The following CNTNAP2 variants were observed in gnomAD, a reference collection of about 807,000 sequenced individuals.
The protein encoded by CNTNAP2 is contactin associated protein 2, also known as contactin-associated protein-like 2.
A neutral mutation model predicts 155.2 loss-of-function variants in CNTNAP2; 98 were observed. The ratio of observed to expected loss-of-function variants is 0.63; its 90% CI spans 0.54 to 0.75. The LOEUF (loss-of-function observed/expected upper bound fraction) is 0.75, where lower values mean the gene tolerates loss of function less well. CNTNAP2 is among the 30% of genes least tolerant of loss of function. CNTNAP2 has a pLI of 0.00. For synonymous variants in CNTNAP2, 651 were observed against 631.2 expected, an observed-to-expected ratio of 1.03 and a Z score of -0.47; for missense variants, 1,727 against 1,688.1, an observed-to-expected ratio of 1.02 and a Z score of -0.40.
At chr7:146,932,769 C>A (rs1453350484) in intron 3 of CNTNAP2, among the ~76,000 whole-genome samples, 1 of 152,078 alleles carries the variant, frequency 6.6e-6, no homozygotes, top group Non-Finnish European at 1.5e-5. Flanking sequence ...GCACAAAAAT[C>A]ACAAGCATTC....
intron 3 of CNTNAP2, among the ~76,000 whole-genome samples, chr7:146,908,469 A>C (rs1354486343): frequency 7.1e-6 from 1 of 140,632 alleles, no homozygotes; most frequent in East Asian, 2.0e-4. Flanking sequence ...CCACAGTGCA[A>C]TCAAACTAGA....
intron 8 of CNTNAP2, among the ~76,000 whole-genome samples, chr7:147,278,846 A>G (rs1285311424): frequency 6.6e-6 from 1 of 151,442 alleles, no homozygotes; most frequent in Non-Finnish European, 1.5e-5. Context: ...TTAAAAGTCT[A>G]AAAATTATAA....
chr7:146,633,376 C>T (rs534942449), intron 1 of CNTNAP2, among the ~76,000 whole-genome samples: 17 of 152,186 alleles, frequency 1.1e-4, no homozygotes, highest in African/African-American at 4.1e-4. Context: ...GAAAGAGGTA[C>T]CATTCTACAG....
At chr7:148,406,958 G>A (rs529447748) in intron 22 of CNTNAP2, among the ~76,000 whole-genome samples, 1 of 148,542 alleles carries the variant, frequency 6.7e-6, no homozygotes, top group South Asian at 2.2e-4. Context: ...GACCATGTCG[G>A]ACCAAGAAGT....
intron 13 of CNTNAP2, among the ~76,000 whole-genome samples, chr7:147,756,881 C>A (rs974409194): frequency 2.6e-5 from 4 of 152,154 alleles, no homozygotes; most frequent in African/African-American, 9.7e-5. Context: ...CCTTTAGTGT[C>A]TTTATCAGAG....
chr7:147,006,445 T>C (rs1015003036), intron 3 of CNTNAP2, among the ~76,000 whole-genome samples: 1 of 152,084 alleles, frequency 6.6e-6, no homozygotes, highest in Non-Finnish European at 1.5e-5. Flanking sequence ...TTTTAGAGCT[T>C]TTCTGGTGTC....
chr7:147,085,297 A>T (rs953734088), intron 4 of CNTNAP2, among the ~76,000 whole-genome samples: 21 of 152,130 alleles, frequency 1.4e-4, no homozygotes, highest in African/African-American at 4.8e-4. Flanking sequence ...ATACTGGTCC[A>T]TGGCTTGTTA....
chr7:148,195,649 T>C (rs1483085721), intron 18 of CNTNAP2, among the ~76,000 whole-genome samples: 1 of 152,208 alleles, frequency 6.6e-6, no homozygotes, highest in Non-Finnish European at 1.5e-5. Context: ...AAAAAGTATT[T>C]TCTAAATATT....
In CNTNAP2 at chr7:147,272,740, A is replaced by C. The variant is rs1033700315; in HGVS notation, c.1349-27401A>C. Among the ~76,000 whole-genome samples, 13 of 149,974 alleles carry C rather than the reference A, an allele frequency of 8.7e-5. 1 individual carries two copies. The highest frequency in any genetic ancestry group is 4.2e-4 in the South Asian group (2 of 4,756). On this transcript the variant is annotated intron_variant, in intron 8 of 23. Coordinates refer to ENST00000361727, the MANE Select transcript of CNTNAP2 (RefSeq NM_014141.6). ...GCCAGGATGCTCTCGATCTCCTGACATCATGATCCACCCGCCTTGGCCTCC... is the reference window on the plus strand; with the variant it reads ...GCCAGGATGCTCTCGATCTCCTGACCTCATGATCCACCCGCCTTGGCCTCC...
chr7:148,073,780 T>C (rs115341991), intron 15 of CNTNAP2, among the ~76,000 whole-genome samples: 2,118 of 152,134 alleles, frequency 0.014, 44 homozygotes, highest in African/African-American at 0.047. Context: ...GTTTTTTTTT[T>C]CAATAAATAC....
Position 146,167,708 on chromosome 7 carries a change from G to T in CNTNAP2, c.97+50735G>T, listed in dbSNP as rs1798332573. On this transcript the variant is annotated intron_variant, in intron 1 of 23. Transcript: ENST00000361727. The stretch of plus-strand genomic sequence containing the variant: ...ATTTTTGTTTGGACACAGCAAATTT[G>T]AGTTGATCATTGCATTAGGGTTCTC... Among the ~76,000 whole-genome samples the T allele has an allele frequency of 2.6e-5, 4 of 152,182 alleles. No individual in the cohort carries two copies. The South Asian group carries it at 8.3e-4, about 31-fold the overall frequency.
At chr7:146,944,925 C>T (rs1038260102) in intron 3 of CNTNAP2, among the ~76,000 whole-genome samples, 10 of 151,788 alleles carry the variant, frequency 6.6e-5, no homozygotes, top group Admixed American at 2.6e-4. Context: ...CTATGCATAG[C>T]AATTTAATGG....
intron 13 of CNTNAP2, among the ~76,000 whole-genome samples, chr7:147,814,082 G>C (rs1014001574): frequency 5.2e-4 from 79 of 152,084 alleles, no homozygotes; most frequent in African/African-American, 1.8e-3. Flanking sequence ...TTTCCAAAAG[G>C]GATTTAAGTT....
At chr7:147,222,813 T>C (rs1157719750) in intron 8 of CNTNAP2, among the ~76,000 whole-genome samples, 1 of 7,816 alleles carries the variant, frequency 1.3e-4, no homozygotes, top group Non-Finnish European at 2.7e-4. Context: ...TTCTCAGGGT[T>C]TTTTTTTTTT....
intron 10 of CNTNAP2, among the ~76,000 whole-genome samples, chr7:147,459,102 G>A (rs1797971806): frequency 5.3e-5 from 8 of 152,210 alleles, no homozygotes; most frequent in Admixed American, 5.2e-4. Flanking sequence ...CAATATGGTA[G>A]CCTCTAGCCA....
intron 2 of CNTNAP2, among the ~76,000 whole-genome samples, chr7:146,791,077 A>G (rs1167618814): frequency 6.8e-6 from 1 of 147,296 alleles, no homozygotes; most frequent in Admixed American, 6.8e-5. Flanking sequence ...CCCAGCCCCT[A>G]CCCCCTGACA....
intron 22 of CNTNAP2, among the ~76,000 whole-genome samples, chr7:148,390,243 A>G (rs895407057): frequency 2.6e-5 from 4 of 152,170 alleles, no homozygotes; most frequent in South Asian, 4.1e-4. Context: ...TTTTTACCTA[A>G]ACTTGAGGAG....
chr7:148,278,411 C>CA (rs972668134), intron 21 of CNTNAP2, among the ~76,000 whole-genome samples: 11 of 150,790 alleles, frequency 7.3e-5, no homozygotes, highest in East Asian at 5.8e-4. Context: ...CTAAAAAATA[C>CA]AAAAAAAAAT....
intron 1 of CNTNAP2, among the ~76,000 whole-genome samples, chr7:146,237,135 A>G (rs1348508102): frequency 6.6e-6 from 1 of 152,206 alleles, no homozygotes; most frequent in Non-Finnish European, 1.5e-5. Context: ...CCAACATAGC[A>G]GCCATCCACA....
Sources: allele counts gnomAD v4.1 joint callset (sites outside exome capture counted in the v4.1 genomes callset), GRCh38; gene constraint gnomAD v4.1.1; transcripts MANE v1.5; gene names NCBI Gene and HGNC (gene_info 2026-07-23, HGNC 2026-07-21).